TRMT1: variants seen among roughly 807,000 people sequenced by gnomAD.
TRMT1 encodes tRNA methyltransferase 1, also known as tRNA (guanine(26)-N(2))-dimethyltransferase.
Under a neutral mutation model 75.4 loss-of-function variants are expected in TRMT1, and 63 were observed. The ratio of observed to expected loss-of-function variants is 0.84; its 90% CI spans 0.68 to 1.03. TRMT1 has a LOEUF of 1.03. Ranked by LOEUF, TRMT1 falls within the 50% of genes least tolerant of loss-of-function variation. The pLI is 0.00. For missense variants in TRMT1, 870 were observed against 905.3 expected (o/e 0.96, Z 0.50); for synonymous variants, 382 against 358.1 (o/e 1.07, Z -0.75).
chr19:13,115,987 C>G lies in TRMT1; in HGVS notation c.310+10G>C, dbSNP rs751234094. ...ACCCCCGCCCACCAGAAGCCTGGAC[C>G]TCCACTCACTCTGGATTCCTTTGGC... On this transcript the variant is annotated intron_variant, in intron 3 of 16. Coordinates refer to ENST00000357720, the MANE Select transcript of TRMT1 (RefSeq NM_001136035.4). 1.9e-6 allele frequency: 3 copies of G among 1,613,838 alleles called. No homozygotes were observed. Among genetic ancestry groups the G allele is most frequent in the Admixed American group, 1.7e-5 (1 of 59,984 alleles).
chr19:13,114,276 CTT>C (rs778037925), intron 5 of TRMT1, among the ~76,000 whole-genome samples: 36 of 152,282 alleles, frequency 2.4e-4, no homozygotes, highest in Non-Finnish European at 4.4e-4. Flanking sequence ...AATCCCAGCA[CTT>C]TGGAAGGCCG....
intron 5 of TRMT1, among the ~76,000 whole-genome samples, chr19:13,114,164 C>T (rs1343824902): frequency 6.6e-6 from 1 of 152,222 alleles, no homozygotes; most frequent in African/African-American, 2.4e-5. Flanking sequence ...GTGGTCCCTA[C>T]TGCATAGTCT....
Position 13,106,640 on chromosome 19 carries a change from TA to T in TRMT1, c.1583+933del, listed in dbSNP as rs1466134862. ...ACAGGCATGTGCCACCACACCTGGC[TA>T]ATTTTTTTTTTTTTTTTGTATTTTT... On this transcript the variant is annotated intron_variant, in intron 14 of 16. Coordinates refer to ENST00000357720, the MANE Select transcript of TRMT1 (RefSeq NM_001136035.4). 3.5e-3 allele frequency among the ~76,000 whole-genome samples: 512 copies of T among 146,818 alleles called. 3 individuals are homozygous for T. Among genetic ancestry groups the T allele is most frequent in the African/African-American group, 0.013 (491 of 38,494 alleles).
chr19:13,107,681 C>G lies in TRMT1; in HGVS notation c.1507-31G>C, dbSNP rs376061711. The G allele has an allele frequency of 1.5e-4, 241 of 1,586,592 alleles. 1 individual carries two copies. The highest frequency in any genetic ancestry group is 1.0e-5 in the Non-Finnish European group (12 of 1,164,436). Reference sequence around the variant, plus strand: ...GGCAGAGGTCAGAGGTTAGGGAATACTAGGCCCAAGGGACCTCCAGGTGAC... The same window carrying G: ...GGCAGAGGTCAGAGGTTAGGGAATAGTAGGCCCAAGGGACCTCCAGGTGAC... On this transcript the variant is annotated intron_variant, in intron 13 of 16. Coordinates refer to ENST00000357720, the MANE Select transcript of TRMT1 (RefSeq NM_001136035.4).
Position 13,116,251 on chromosome 19 carries a change from C to G in TRMT1, c.149G>C (p.Arg50Pro), listed in dbSNP as rs777766914. 6.2e-7 allele frequency: 1 copy of G among 1,614,194 alleles called. No homozygotes were observed. Among genetic ancestry groups the G allele is most frequent in the South Asian group, 1.1e-5 (1 of 91,086 alleles). Residue 50 changes from arginine to proline, a missense_variant, in exon 2 of 17, where the codon CGT (arginine) becomes CCT (proline). By Grantham distance (103) the Arg-to-Pro change is moderately radical. Transcript: ENST00000357720. The part of the protein sequence containing the change: ...GTGPYGEERP[R>P]EVQETTVTEG... ...GGTGACTGTCGTCTCCTGGACTTCA[C>G]GTGGACGTTCTTCTCCGTAGGGCCC...
chr19:13,109,664 T>A lies in TRMT1; in HGVS notation c.1197A>T (p.Ala399=). 6.2e-7 allele frequency: 1 copy of A among 1,614,016 alleles called. No individual in the cohort carries two copies. The highest frequency in any genetic ancestry group is 8.5e-7 in the Non-Finnish European group (1 of 1,180,016). Residue 399 remains alanine, a synonymous_variant, in exon 11 of 17, where the codon GCA becomes GCT. Coordinates refer to ENST00000357720, the MANE Select transcript of TRMT1 (RefSeq NM_001136035.4). Reference sequence around the variant, plus strand: ...CAAAATCCAGGTCATGGATGGGCTCTGCCCACATGGGGCCACCAAGCTGGG... The same window carrying A: ...CAAAATCCAGGTCATGGATGGGCTCAGCCCACATGGGGCCACCAAGCTGGG... ...QRHQLGGPMW[A]EPIHDLDFVG...
intron 7 of TRMT1, among the ~76,000 whole-genome samples, chr19:13,110,777 CG>C (rs1265224912): frequency 6.6e-6 from 1 of 152,000 alleles, no homozygotes; most frequent in Non-Finnish European, 1.5e-5. Flanking sequence ...ATGAAATCCC[CG>C]TCTCTACTAA....
At chr19:13,105,819 TG>T (rs1436711715) in intron 14 of TRMT1, among the ~76,000 whole-genome samples, 1 of 152,162 alleles carries the variant, frequency 6.6e-6, no homozygotes, top group East Asian at 1.9e-4. Context: ...CCCAGCATTT[TG>T]GGAGGCTGAG....
In TRMT1 at chr19:13,107,479, G is replaced by C; in HGVS notation, c.1583+95C>G. The C allele has an allele frequency of 1.4e-6, 2 of 1,399,790 alleles. 1 individual carries two copies. The highest frequency in any genetic ancestry group is 2.5e-5 in the South Asian group (2 of 80,842). The allele number at this position is 1,399,790 out of a possible 1,614,324, so 86.7% of individuals were successfully genotyped here. ...TGAATCTCACTTGAAGAATGGGCACGAGTCTGTGTGGGGCAGCATCTGTGT... is the reference window on the plus strand; with the variant it reads ...TGAATCTCACTTGAAGAATGGGCACCAGTCTGTGTGGGGCAGCATCTGTGT... On this transcript the variant is annotated intron_variant, in intron 14 of 16. Transcript: ENST00000357720.
Position 13,109,777 on chromosome 19 carries a change from G to A in TRMT1, c.1168C>T (p.Arg390Ter), listed in dbSNP as rs1402479694. 5.0e-6 allele frequency: 8 copies of A among 1,614,086 alleles called. No individual in the cohort carries two copies. Among genetic ancestry groups the A allele is most frequent in the South Asian group, 2.2e-5 (2 of 91,078 alleles). The change falls in exon 10 of 17, where the codon CGA becomes TGA. Residue 390 changes from arginine (R) to a stop codon, truncating the protein, a stop_gained. Transcript: ENST00000357720. LOFTEE classifies it high-confidence loss of function. ...VTPECEHCGQ[R>*]HQLGGPMWAE... ...CCCTGGCCTAGCCCTACCTGGTGTC[G>A]TTGCCCACAGTGTTCACACTCGGGG...
chr19:13,111,979 G>A (rs1230898990), intron 7 of TRMT1, among the ~76,000 whole-genome samples: 5 of 151,810 alleles, frequency 3.3e-5, no homozygotes, highest in East Asian at 1.9e-4. Flanking sequence ...GATTACAGGC[G>A]TGAGCTACCA....
Position 13,104,914 on chromosome 19 carries a change from A to T in TRMT1, c.*21T>A, listed in dbSNP as rs1413412977. 6.2e-7 allele frequency: 1 copy of T among 1,613,882 alleles called. No homozygotes were observed. Among genetic ancestry groups the T allele is most frequent in the Non-Finnish European group, 8.5e-7 (1 of 1,179,890 alleles). ...AACCACAGGCAATCGGGAGAAGGTG[A>T]CGTGACATCTCTTTATTGGTTCAGT... On this transcript the variant is annotated 3_prime_UTR_variant, in exon 17 of 17. Transcript: ENST00000357720.
chr19:13,109,518 A>T, intron 11 of TRMT1, 32 bp downstream of exon 11: 1 of 1,613,882 alleles, frequency 6.2e-7, no homozygotes, highest in Non-Finnish European at 8.5e-7. Context: ...GCACAGGTGG[A>T]GCCCCCTTCC....
rs755918592 is a variant in TRMT1, at chr19:13,104,971, A to T, written c.1944T>A (p.Pro648=). ...DCPETSNQTP[P]GPGAAAGPGI... is the part of the protein sequence containing the mutation. ...CTGGCCCAGCGGCAGCCCCAGGTCC[A>T]GGGGGGGTCTGGTTGGAGGTCTCTG... The change falls in exon 17 of 17, where the codon CCT becomes CCA. Residue 648 remains proline, a synonymous_variant. Transcript: ENST00000357720. 6 of 1,613,544 alleles carry T rather than the reference A, an allele frequency of 3.7e-6. No individual in the cohort carries two copies. In the East Asian group the frequency reaches 1.1e-4, roughly 30 times the overall value.
chr19:13,116,730 G>A lies in TRMT1; in HGVS notation c.-110C>T. The A allele has an allele frequency of 2.9e-6, 1 of 346,012 alleles. No homozygotes were observed. 21.4% of individuals were successfully genotyped at this position (346,012 alleles called of 1,614,324 possible). ...TTAGGACCTGGGCGCCGCCATGTTG[G>A]CACAGTGGGTGGGCGAATCACATGA... On this transcript the variant is annotated 5_prime_UTR_variant, in exon 1 of 17. Coordinates refer to ENST00000357720, the MANE Select transcript of TRMT1 (RefSeq NM_001136035.4).
intron 7 of TRMT1, 139 bp downstream of exon 7, chr19:13,112,566 G>A (rs995612709): frequency 1.8e-5 from 13 of 733,614 alleles, no homozygotes; most frequent in Non-Finnish European, 2.5e-5. Flanking sequence ...CACGCCTGTC[G>A]TTAACAGCCT....
intron 1 of TRMT1, 76 bp downstream of exon 1, chr19:13,116,577 C>T: frequency 2.3e-6 from 2 of 869,204 alleles, no homozygotes; most frequent in Admixed American, 2.9e-5. Flanking sequence ...GATGACTGGT[C>T]CCTGTGGAGC....
rs375601884 is a variant in TRMT1, at chr19:13,110,255, G to A, written c.922C>T (p.Arg308Cys). The change falls in exon 8 of 17, where the codon CGC becomes TGC. Residue 308 changes from arginine to cysteine, a missense_variant. Coordinates refer to ENST00000357720, the MANE Select transcript of TRMT1 (RefSeq NM_001136035.4). ...SLDLRANCYQ[R>C]FVVPLLSISA... ...ATGCTGAGCAGCGGCACCACGAAGC[G>A]CTGGTAGCAGTTGGCGCGGAGGTCC... The A allele has an allele frequency of 8.7e-6, 14 of 1,612,272 alleles. No individual in the cohort carries two copies. Among genetic ancestry groups the A allele is most frequent in the African/African-American group, 2.7e-5 (2 of 74,858 alleles).
chr19:13,116,093 C>T (rs1260346713), intron 2 of TRMT1, 41 bp from the exon 3 acceptor site: 2 of 1,612,972 alleles, frequency 1.2e-6, no homozygotes, highest in Non-Finnish European at 1.7e-6. Flanking sequence ...CCGCCCCCGC[C>T]ATCCACACTG....
Sources: allele counts gnomAD v4.1 joint callset (sites outside exome capture counted in the v4.1 genomes callset), GRCh38; gene constraint gnomAD v4.1.1; transcripts MANE v1.5; gene names NCBI Gene and HGNC (gene_info 2026-07-23, HGNC 2026-07-21).